The following MYO1B variants were observed in gnomAD, a reference collection of about 807,000 sequenced individuals.
MYO1B encodes unconventional myosin-Ib.
Under a neutral mutation model 159.7 loss-of-function variants are expected in MYO1B, and 72 were observed. That is an observed-to-expected ratio of 0.45 (90% CI 0.37 to 0.55). The LOEUF (loss-of-function observed/expected upper bound fraction) is 0.55, where lower values mean the gene tolerates loss of function less well. MYO1B is among the 20% of genes least tolerant of loss of function. The pLI is 0.00. For missense variants in MYO1B, 1,062 were observed against 1,364.8 expected, an observed-to-expected ratio of 0.78 and a Z score of 3.50; for synonymous variants, 468 against 473.8, an observed-to-expected ratio of 0.99 and a Z score of 0.16.
rs144921413 is a variant in MYO1B at position 191,338,627 on chromosome 2, C to T, written c.347-2834C>T. 6.2e-4 allele frequency among the ~76,000 whole-genome samples: 94 copies of T among 152,274 alleles called. 1 individual carries two copies. In the East Asian group the frequency reaches 0.013, roughly 22 times the overall value. ...TAGTAGCCACCAAAAGATTCTCATTCTTGGTTGATTTTCCCCCCACCACCA... is the reference window on the plus strand; with the variant it reads ...TAGTAGCCACCAAAAGATTCTCATTTTTGGTTGATTTTCCCCCCACCACCA... On this transcript the variant is annotated intron_variant, in intron 4 of 30. Transcript: ENST00000392318.
intron 13 of MYO1B, among the ~76,000 whole-genome samples, chr2:191,376,910 A>T (rs1261218951): frequency 1.3e-5 from 2 of 152,208 alleles, no homozygotes; most frequent in African/African-American, 4.8e-5. Context: ...GCTAAGGAGA[A>T]TATACAAAGG....
chr2:191,299,356 ATGCATCTG>A lies in MYO1B; in HGVS notation c.251+3131_251+3138del, dbSNP rs374366626. 7.4e-4 allele frequency among the ~76,000 whole-genome samples: 112 copies of A among 152,312 alleles called. 1 individual carries two copies. The highest frequency in any genetic ancestry group is 3.4e-3 in the Middle Eastern group (1 of 294). ...TGGTGAGCAAAGTACAGTTTTACTAATGCATCTGAAGTTGCCAGATCCCTCTCATTCCC... is the reference window on the plus strand; with the variant it reads ...TGGTGAGCAAAGTACAGTTTTACTAAAAGTTGCCAGATCCCTCTCATTCCC... On this transcript the variant is annotated intron_variant, in intron 3 of 30. Transcript: ENST00000392318.
intron 25 of MYO1B, among the ~76,000 whole-genome samples, chr2:191,408,624 G>A (rs1697073960): frequency 6.6e-6 from 1 of 152,174 alleles, no homozygotes; most frequent in South Asian, 2.1e-4. Flanking sequence ...GGTGTATGTA[G>A]TGCTGAACAG....
chr2:191,363,151 A>G (rs960218722), intron 9 of MYO1B, among the ~76,000 whole-genome samples: 1 of 152,226 alleles, frequency 6.6e-6, no homozygotes, highest in African/African-American at 2.4e-5. Context: ...AAAAAACTGT[A>G]TAAACATCTT....
chr2:191,414,217 C>T, intron 28 of MYO1B, 37 bp downstream of exon 28: 1 of 1,580,044 alleles, frequency 6.3e-7, no homozygotes, highest in Non-Finnish European at 8.6e-7. Flanking sequence ...TAAGAAGTAC[C>T]TATTAGTTGG....
At chr2:191,389,739 A>T in intron 17 of MYO1B, among the ~76,000 whole-genome samples, 1 of 152,206 alleles carries the variant, frequency 6.6e-6, no homozygotes, top group East Asian at 1.9e-4. Flanking sequence ...AGTGTTTTTT[A>T]TCTTTTTATT....
intron 1 of MYO1B, among the ~76,000 whole-genome samples, chr2:191,274,458 A>G (rs1280005468): frequency 1.3e-5 from 2 of 152,174 alleles, no homozygotes; most frequent in African/African-American, 4.8e-5. Flanking sequence ...TAAATAGACT[A>G]TATACAGGAA....
chr2:191,291,281 T>C (rs1688670827), intron 2 of MYO1B, among the ~76,000 whole-genome samples: 1 of 152,226 alleles, frequency 6.6e-6, no homozygotes, highest in Non-Finnish European at 1.5e-5. Flanking sequence ...ACATCTGTTT[T>C]GGAATGCTAG....
intron 1 of MYO1B, among the ~76,000 whole-genome samples, chr2:191,249,769 T>C (rs913937646): frequency 2.0e-5 from 3 of 152,202 alleles, no homozygotes; most frequent in Non-Finnish European, 2.9e-5. Flanking sequence ...TAGGACACCA[T>C]TTGGGGTCTT....
At chr2:191,248,334 T>TGTCCTA in intron 1 of MYO1B, among the ~76,000 whole-genome samples, 1 of 152,338 alleles carries the variant, frequency 6.6e-6, no homozygotes, top group African/African-American at 2.4e-5. Flanking sequence ...TGCTCCTAGA[T>TGTCCTA]TTACAATGGG....
Position 191,414,096 on chromosome 2 carries a change from C to T in MYO1B, c.2922C>T (p.Pro974=). 6.2e-7 allele frequency: 1 copy of T among 1,612,796 alleles called. No individual in the cohort carries two copies. Among genetic ancestry groups the T allele is most frequent in the Non-Finnish European group, 8.5e-7 (1 of 1,179,422 alleles). ...CTTACCTGGAAATCAACAAGAACCCCAAGTATAAGAAACTCAAAGATGCCA... is the reference window on the plus strand; with the variant it reads ...CTTACCTGGAAATCAACAAGAACCCTAAGTATAAGAAACTCAAAGATGCCA... The part of the protein sequence containing the change: ...QGAYLEINKN[P]KYKKLKDAIE... The change falls in exon 28 of 31, where the codon CCC becomes CCT. Residue 974 remains proline, a synonymous_variant. Transcript: ENST00000392318.
chr2:191,348,518 C>T (rs1222856751), intron 6 of MYO1B, among the ~76,000 whole-genome samples: 1 of 152,202 alleles, frequency 6.6e-6, no homozygotes, highest in Non-Finnish European at 1.5e-5. Flanking sequence ...GTAGCTGCTT[C>T]ACCTCCTTGG....
chr2:191,413,148 A>G (rs16833673), intron 27 of MYO1B, among the ~76,000 whole-genome samples: 2,608 of 152,324 alleles, frequency 0.017, 70 homozygotes, highest in East Asian at 0.16. Context: ...AGCGTAATGT[A>G]TAAAATAAAT....
At position 191,298,066 on chromosome 2, in the gene MYO1B, A is replaced by G. The variant is rs192823666; in HGVS notation, c.251+1840A>G. 4.1e-3 allele frequency among the ~76,000 whole-genome samples: 629 copies of G among 152,376 alleles called. 7 individuals are homozygous for G. The highest frequency in any genetic ancestry group is 7.2e-3 in the Non-Finnish European group (493 of 68,034). On this transcript the variant is annotated intron_variant, in intron 3 of 30. Coordinates refer to ENST00000392318, the MANE Select transcript of MYO1B (RefSeq NM_001130158.3). ...TTGGCTTTATTAATTTTGACAGAAC[A>G]TAAAATCTAATAATTAAGGAACATA...
At position 191,393,121 on chromosome 2, in the gene MYO1B, A is replaced by C. The variant is rs761235195; in HGVS notation, c.2125A>C (p.Thr709Pro). Residue 709 changes from threonine to proline, a missense_variant, in exon 20 of 31, where the codon ACT becomes CCT. Thr to Pro is a conservative substitution (Grantham distance 38). Around this residue, in one of 5 missense-constraint regions of MYO1B, gnomAD observed 609 missense variants for 744.4 expected, o/e 0.82. Transcript: ENST00000392318. ...GAAGCAACGCCTGGAGGACTTGGCC[A>C]CTCTCATTCAGAAGATATATCGGGG... The part of the protein sequence containing the change: ...LRKQRLEDLA[T>P]LIQKIYRGWK... 2 of 1,613,782 alleles carry C rather than the reference A, an allele frequency of 1.2e-6. No individual in the cohort carries two copies. The highest frequency in any genetic ancestry group is 1.7e-6 in the Non-Finnish European group (2 of 1,179,936).
In MYO1B at chr2:191,400,813, G is replaced by A; in HGVS notation, c.2447G>A (p.Trp816Ter). 6.2e-7 allele frequency: 1 copy of A among 1,613,970 alleles called. No homozygotes were observed. Among genetic ancestry groups the A allele is most frequent in the East Asian group, 2.2e-5 (1 of 44,878 alleles). ...AATAAACATGCTATTGCAGTTATTT[G>A]GGCTTACTGGCTTGGATCTAAGGTA... is the stretch of plus-strand genomic sequence containing the variant. ...ARNKHAIAVIWAYWLGSKARR... is the reference protein window; with the variant it reads ...ARNKHAIAVI Residue 816 changes from tryptophan (W) to a stop codon, truncating the protein, a stop_gained, in exon 23 of 31, where the codon TGG becomes TAG. Transcript: ENST00000392318. LOFTEE classifies it high-confidence loss of function.
chr2:191,392,974 A>G (rs911248827), intron 19 of MYO1B, 99 bp from the exon 20 acceptor site: 64 of 1,018,418 alleles, frequency 6.3e-5, no homozygotes, highest in Non-Finnish European at 8.9e-5. Context: ...AATGTAATTG[A>G]CTCCAACATG....
Position 191,425,047 on chromosome 2 carries a change from G to T in MYO1B, c.*1087G>T, listed in dbSNP as rs1175321226. 15 of 152,256 alleles carry T rather than the reference G, an allele frequency of 9.9e-5. No individual in the cohort carries two copies. The highest frequency in any genetic ancestry group is 6.6e-5 in the Admixed American group (1 of 15,228). The allele number at this position is 152,256 out of a possible 1,614,324, so 9.4% of individuals were successfully genotyped here. ...TTTCTTTTTCTTCAAATTTACAAGG[G>T]TTCATTTTGGAAACTACATTTTAAA... On this transcript the variant is annotated 3_prime_UTR_variant, in exon 31 of 31. Coordinates refer to ENST00000392318, the MANE Select transcript of MYO1B (RefSeq NM_001130158.3).
At chr2:191,288,537 C>T (rs1451314479) in intron 2 of MYO1B, among the ~76,000 whole-genome samples, 1 of 152,126 alleles carries the variant, frequency 6.6e-6, no homozygotes, top group Admixed American at 6.5e-5. Flanking sequence ...GAGAAGTTAA[C>T]TCTTAAATTT....
Sources: allele counts gnomAD v4.1 joint callset (sites outside exome capture counted in the v4.1 genomes callset), GRCh38; gene constraint gnomAD v4.1.1; regional missense constraint gnomAD v4.1.1; transcripts MANE v1.5; gene names NCBI Gene and HGNC (gene_info 2026-07-23, HGNC 2026-07-21).